LZTFL1: variants seen among roughly 807,000 people sequenced by gnomAD.
The protein encoded by LZTFL1 is leucine zipper transcription factor like 1.
Under a neutral mutation model 45.9 loss-of-function variants are expected in LZTFL1, and 25 were observed. That is an observed-to-expected ratio of 0.54 (90% CI 0.40 to 0.76). LZTFL1 has a LOEUF of 0.76. Among genes scored for constraint, LZTFL1 ranks in the 30% least tolerant of loss-of-function variants. The pLI is 0.00. For synonymous variants in LZTFL1, 93 were observed against 117.4 expected (o/e 0.79, Z 1.35); for missense variants, 277 against 331.1 (o/e 0.84, Z 1.27).
chr3:45,869,994 C>T (rs1477854376), intron 2 of LZTFL1, among the ~76,000 whole-genome samples: 1 of 152,246 alleles, frequency 6.6e-6, no homozygotes, highest in African/African-American at 2.4e-5. Flanking sequence ...TCCAACTCTC[C>T]ATGTCATTTT....
chr3:45,859,030 T>C (rs1701438387), intron 2 of LZTFL1: 1 of 152,202 alleles, frequency 6.6e-6, no homozygotes, highest in Non-Finnish European at 1.5e-5. Context: ...GTAAAAATTA[T>C]TTCACAGGTA....
chr3:45,860,848 T>C (rs1701476001), intron 2 of LZTFL1, among the ~76,000 whole-genome samples: 3 of 152,206 alleles, frequency 2.0e-5, no homozygotes, highest in Admixed American at 2.0e-4. Flanking sequence ...ATTTTCATCT[T>C]TTCCCATCTT....
intron 2 of LZTFL1, among the ~76,000 whole-genome samples, chr3:45,896,503 G>A (rs1015262404): frequency 4.6e-5 from 7 of 152,210 alleles, no homozygotes; most frequent in Admixed American, 1.3e-4. Flanking sequence ...TTCCCTCAGC[G>A]TCACAGTAAA....
intron 2 of LZTFL1, among the ~76,000 whole-genome samples, chr3:45,898,174 T>C (rs779118907): frequency 6.6e-6 from 1 of 152,090 alleles, no homozygotes; most frequent in Non-Finnish European, 1.5e-5. Context: ...CACTGTGGGG[T>C]CTCCATGCTC....
chr3:45,893,949 T>C (rs1217505732), intron 2 of LZTFL1, among the ~76,000 whole-genome samples: 1 of 152,168 alleles, frequency 6.6e-6, no homozygotes, highest in Non-Finnish European at 1.5e-5. Flanking sequence ...ATGATGTTGT[T>C]ATGGAAAGGA....
In LZTFL1 at chr3:45,888,907, C is replaced by T. The variant is rs931026859; in HGVS notation, c.-215+24213G>A. The stretch of plus-strand genomic sequence containing the variant: ...TGGCTCTCTCCAAATTTTCTATGAG[C>T]CAGAAGCAGATGCATATTTTATAAA... On this transcript the variant is annotated intron_variant, in intron 2 of 4. Coordinates refer to the LZTFL1 transcript ENST00000472635. Among the ~76,000 whole-genome samples, 3 of 152,270 alleles carry T rather than the reference C, an allele frequency of 2.0e-5. No individual in the cohort carries two copies. The East Asian group carries it at 5.8e-4, about 29-fold the overall frequency.
upstream of LZTFL1, among the ~76,000 whole-genome samples, chr3:45,844,286 C>T (rs376428717): frequency 5.3e-5 from 8 of 152,056 alleles, no homozygotes; most frequent in East Asian, 7.7e-4. Flanking sequence ...GGTTCTGTGG[C>T]CATGATAGTG....
intron 2 of LZTFL1, among the ~76,000 whole-genome samples, chr3:45,875,172 T>G (rs1701730163): frequency 6.6e-6 from 1 of 151,050 alleles, no homozygotes; most frequent in African/African-American, 2.4e-5. Flanking sequence ...TAACATTAAC[T>G]TCTTTGTTTA....
chr3:45,824,386 C>CAAA lies in LZTFL1; in HGVS notation c.*1925_*1927dup, dbSNP rs1700612141. 1 of 153,326 alleles carries CAAA rather than the reference C, an allele frequency of 6.5e-6. No homozygotes were observed. The highest frequency in any genetic ancestry group is 2.4e-5 in the African/African-American group (1 of 41,276). 9.5% of individuals were successfully genotyped at this position (153,326 alleles called of 1,614,324 possible). Reference sequence around the variant, plus strand: ...TAAATAACAACAACAACAACAACAACAAAAATGACAAACCAGAAACACTAA... The same window carrying CAAA: ...TAAATAACAACAACAACAACAACAACAAAAAAAATGACAAACCAGAAACACTAA... On this transcript the variant is annotated 3_prime_UTR_variant, in exon 10 of 10. Transcript: ENST00000296135.
intron 2 of LZTFL1, chr3:45,884,231 C>G (rs1364865625): frequency 6.6e-6 from 1 of 152,212 alleles, no homozygotes; most frequent in East Asian, 1.9e-4. Flanking sequence ...TTATAGTCAC[C>G]CAGCTCTGAA....
chr3:45,845,300 A>C (rs1701201535), upstream of LZTFL1, among the ~76,000 whole-genome samples: 1 of 152,264 alleles, frequency 6.6e-6, no homozygotes, highest in South Asian at 2.1e-4. Flanking sequence ...AAGTGAAGGG[A>C]GAATTCAAGC....
chr3:45,893,788 A>G (rs1021979601), intron 2 of LZTFL1, among the ~76,000 whole-genome samples: 6 of 152,166 alleles, frequency 3.9e-5, no homozygotes, highest in Non-Finnish European at 7.3e-5. Flanking sequence ...TATACTTACA[A>G]TTTTCTTGGG....
chr3:45,827,323 G>C (rs769667838), intron 9 of LZTFL1, 33 bp downstream of exon 9: 19 of 1,449,708 alleles, frequency 1.3e-5, no homozygotes, highest in Non-Finnish European at 1.8e-5. Flanking sequence ...AATCCAGAGA[G>C]AGAAATCCAA....
chr3:45,828,302 C>T, intron 8 of LZTFL1, 137 bp downstream of exon 8: 1 of 705,064 alleles, frequency 1.4e-6, no homozygotes, highest in East Asian at 2.5e-5. Flanking sequence ...ATCTTTAGAA[C>T]ATATTGGCTA....
chr3:45,866,934 G>A (rs918530555), intron 2 of LZTFL1, among the ~76,000 whole-genome samples: 1 of 152,052 alleles, frequency 6.6e-6, no homozygotes, highest in Admixed American at 6.6e-5. Flanking sequence ...GATCACTTGA[G>A]GTCAGGAGTT....
chr3:45,882,627 T>C (rs1414169998), intron 2 of LZTFL1, among the ~76,000 whole-genome samples: 2 of 152,148 alleles, frequency 1.3e-5, no homozygotes, highest in Non-Finnish European at 2.9e-5. Context: ...TGATCATATA[T>C]TGTAATGAAC....
At chr3:45,852,673 G>A (rs575879342) in intron 4 of LZTFL1, among the ~76,000 whole-genome samples, 46 of 152,334 alleles carry the variant, frequency 3.0e-4, no homozygotes, top group African/African-American at 1.1e-3. Flanking sequence ...TGCTAGAGTG[G>A]CAGTAGGGAT....
intron 2 of LZTFL1, among the ~76,000 whole-genome samples, chr3:45,876,951 C>T (rs1022577942): frequency 6.6e-6 from 1 of 152,116 alleles, no homozygotes; most frequent in African/African-American, 2.4e-5. Flanking sequence ...GGGCTCTCTT[C>T]AAAGCCTCCT....
chr3:45,891,258 T>C (rs997836895), intron 2 of LZTFL1, among the ~76,000 whole-genome samples: 11 of 152,238 alleles, frequency 7.2e-5, no homozygotes, highest in South Asian at 6.2e-4. Flanking sequence ...CCAGGCTTTC[T>C]TGTGTCTTAG....
Sources: gnomAD v4.1 joint callset for allele counts (sites outside exome capture counted in the v4.1 genomes callset) on GRCh38, gnomAD v4.1.1 for gene constraint, MANE v1.5 for transcripts, NCBI Gene and HGNC (gene_info 2026-07-23, HGNC 2026-07-21) for gene names.